Variants in PDCD6IP observed in about 807,000 individuals in gnomAD.
The protein encoded by PDCD6IP is programmed cell death 6 interacting protein, also known as programmed cell death 6-interacting protein.
In PDCD6IP, 43 loss-of-function variants were observed where a neutral mutation model predicts 103.7. The ratio of observed to expected loss-of-function variants is 0.41; its 90% CI spans 0.32 to 0.53. The LOEUF is 0.53. PDCD6IP is among the 20% of genes least tolerant of loss of function. PDCD6IP has a pLI of 0.16. For missense variants in PDCD6IP, 871 were observed against 1,036.7 expected, an observed-to-expected ratio of 0.84 and a Z score of 2.20; for synonymous variants, 354 against 378.7, an observed-to-expected ratio of 0.93 and a Z score of 0.76.
At chr3:33,820,086 C>G (rs986344672) in intron 3 of PDCD6IP, among the ~76,000 whole-genome samples, 5 of 152,080 alleles carry the variant, frequency 3.3e-5, no homozygotes, top group Non-Finnish European at 7.3e-5. Flanking sequence ...GAGTTCAAGA[C>G]CAGCCTAGGC....
chr3:33,799,264 GTCTC>G (rs147934522), intron 1 of PDCD6IP: 21 of 282,816 alleles, frequency 7.4e-5, no homozygotes, highest in African/African-American at 4.3e-4. Context: ...ACTTTTTTGG[GTCTC>G]TAACTGAAGC....
chr3:33,833,354 A>G (rs1211849528), intron 7 of PDCD6IP, among the ~76,000 whole-genome samples: 2 of 152,034 alleles, frequency 1.3e-5, no homozygotes, highest in African/African-American at 4.8e-5. Context: ...TTTGATTGAT[A>G]TGCCCTCTAA....
At chr3:33,816,416 ACT>A (rs1196136907) in intron 3 of PDCD6IP, among the ~76,000 whole-genome samples, 3 of 149,778 alleles carry the variant, frequency 2.0e-5, no homozygotes, top group African/African-American at 5.0e-5. Context: ...GAGGCAGGAG[ACT>A]CACTTGAACC....
chr3:33,865,048 A>G (rs1440316942), intron 16 of PDCD6IP, among the ~76,000 whole-genome samples, 195 bp from the exon 17 acceptor site: 2 of 152,212 alleles, frequency 1.3e-5, no homozygotes, highest in East Asian at 1.9e-4. Flanking sequence ...AGCAGTGGCT[A>G]TGGAGTTTCC....
chr3:33,814,474 A>G lies in PDCD6IP; in HGVS notation c.334+846A>G, dbSNP rs553567016. On this transcript the variant is annotated intron_variant, in intron 3 of 17. Transcript: ENST00000307296. ...TGGATTAAATGAGTGAATACATGTA[A>G]AGTCCTAAGAACAGTGCTTTATTAG... Among the ~76,000 whole-genome samples, 213 of 148,034 alleles carry G rather than the reference A, an allele frequency of 1.4e-3. 1 individual carries two copies. Among genetic ancestry groups the G allele is most frequent in the African/African-American group, 4.9e-3 (199 of 40,474 alleles).
chr3:33,831,164 A>G (rs1697236104), intron 7 of PDCD6IP, among the ~76,000 whole-genome samples: 1 of 152,096 alleles, frequency 6.6e-6, no homozygotes, highest in African/African-American at 2.4e-5. Context: ...GCCCCAGAAG[A>G]TGGATCTTCT....
At chr3:33,807,003 A>G (rs118131696) in intron 1 of PDCD6IP, among the ~76,000 whole-genome samples, 1 of 152,238 alleles carries the variant, frequency 6.6e-6, no homozygotes, top group East Asian at 1.9e-4. Flanking sequence ...TTCAACTTCT[A>G]TAATCTGTCC....
Position 33,868,322 on chromosome 3 carries a change from C to T in PDCD6IP, c.*1797C>T, listed in dbSNP as rs1358493633. 2.0e-5 allele frequency: 3 copies of T among 152,134 alleles called. No individual in the cohort carries two copies. Among genetic ancestry groups the T allele is most frequent in the Non-Finnish European group, 4.4e-5 (3 of 68,052 alleles). 9.4% of individuals were successfully genotyped at this position (152,134 alleles called of 1,614,324 possible). A position where few individuals can be genotyped will look rare whatever the true frequency, so the allele number is the denominator to read the frequency against. On this transcript the variant is annotated 3_prime_UTR_variant, in exon 18 of 18. Coordinates refer to ENST00000307296, the MANE Select transcript of PDCD6IP (RefSeq NM_013374.6). Reference sequence around the variant, plus strand: ...AAACAAGGAAAAAAGCAAAATTGGCCTGAATATTCTCTTGGGGAAAGAGGG... The same window carrying T: ...AAACAAGGAAAAAAGCAAAATTGGCTTGAATATTCTCTTGGGGAAAGAGGG...
At chr3:33,831,357 T>C (rs1697240694) in intron 7 of PDCD6IP, among the ~76,000 whole-genome samples, 1 of 152,162 alleles carries the variant, frequency 6.6e-6, no homozygotes, top group African/African-American at 2.4e-5. Flanking sequence ...GTGCAAGTAT[T>C]GTTTTCTTAG....
chr3:33,836,088 ATATGT>A lies in PDCD6IP; in HGVS notation c.882_886del (p.Tyr294Ter). The A allele has an allele frequency of 6.2e-7, 1 of 1,612,730 alleles. No homozygotes were observed. On this transcript the variant is annotated frameshift_variant, in exon 8 of 18. Coordinates refer to ENST00000307296, the MANE Select transcript of PDCD6IP (RefSeq NM_013374.6). LOFTEE classifies it high-confidence loss of function. ...AAACAGTGGCATCTCGCTATGATGA[ATATGT>A]TAATGTGAAGGATTTTTCTGACAAA... is the stretch of plus-strand genomic sequence containing the variant.
intron 17 of PDCD6IP, 126 bp from the exon 18 acceptor site, chr3:33,866,225 C>T: frequency 1.8e-6 from 1 of 562,252 alleles, no homozygotes; most frequent in Non-Finnish European, 2.9e-6. Flanking sequence ...TTTTTTCACT[C>T]CACTGTTCTT....
chr3:33,802,118 T>A (rs930342242), intron 1 of PDCD6IP, among the ~76,000 whole-genome samples: 1 of 152,146 alleles, frequency 6.6e-6, no homozygotes, highest in African/African-American at 2.4e-5. Context: ...TAATTGGGGC[T>A]CAGATTCCTT....
intron 1 of PDCD6IP, chr3:33,799,182 G>A: frequency 1.8e-6 from 1 of 560,254 alleles, no homozygotes; most frequent in South Asian, 2.5e-5. Context: ...GGGCTCCGTG[G>A]ATCAGATACC....
At chr3:33,859,493 C>T (rs1434159240) in intron 15 of PDCD6IP, among the ~76,000 whole-genome samples, 1 of 151,774 alleles carries the variant, frequency 6.6e-6, no homozygotes, top group Admixed American at 6.6e-5. Flanking sequence ...TAGAAGTGAA[C>T]GAGAAGAAAA....
chr3:33,853,600 A>G (rs1176186991), intron 13 of PDCD6IP, among the ~76,000 whole-genome samples: 2 of 152,156 alleles, frequency 1.3e-5, no homozygotes, highest in African/African-American at 2.4e-5. Context: ...TCCAAAAGGT[A>G]AAATAATTTT....
At chr3:33,810,023 C>T (rs1696681286) in intron 1 of PDCD6IP, among the ~76,000 whole-genome samples, 1 of 152,078 alleles carries the variant, frequency 6.6e-6, no homozygotes, top group Non-Finnish European at 1.5e-5. Flanking sequence ...GGTTTCTTGA[C>T]CTTACAGTTA....
At position 33,800,463 on chromosome 3, in the gene PDCD6IP, A is replaced by G. The variant is rs892485867; in HGVS notation, c.209+1526A>G. On this transcript the variant is annotated intron_variant, in intron 1 of 17. Coordinates refer to ENST00000307296, the MANE Select transcript of PDCD6IP (RefSeq NM_013374.6). Reference sequence around the variant, plus strand: ...GGTTTAATTTCTCCTTACCCCATGGATCAAAGCAAGATGAGTCCGGACTGG... The same window carrying G: ...GGTTTAATTTCTCCTTACCCCATGGGTCAAAGCAAGATGAGTCCGGACTGG... 3.3e-5 allele frequency among the ~76,000 whole-genome samples: 5 copies of G among 152,140 alleles called. No individual in the cohort carries two copies. In the South Asian group the frequency reaches 8.3e-4, roughly 25 times the overall value.
intron 3 of PDCD6IP, among the ~76,000 whole-genome samples, chr3:33,818,365 C>T (rs1696906961): frequency 6.6e-6 from 1 of 151,652 alleles, no homozygotes; most frequent in Non-Finnish European, 1.5e-5. Context: ...ACCTTGCCTT[C>T]CCAAAGTGCT....
intron 2 of PDCD6IP, among the ~76,000 whole-genome samples, chr3:33,812,573 C>T (rs745398741): frequency 6.6e-6 from 1 of 152,168 alleles, no homozygotes; most frequent in Non-Finnish European, 1.5e-5. Flanking sequence ...CTATTTTCTC[C>T]TTAAAGGCTA....
Sources: allele counts gnomAD v4.1 joint callset (sites outside exome capture counted in the v4.1 genomes callset), GRCh38; gene constraint gnomAD v4.1.1; transcripts MANE v1.5; gene names NCBI Gene and HGNC (gene_info 2026-07-23, HGNC 2026-07-21).